SLC43A2: variants seen among roughly 807,000 people sequenced by gnomAD.
The protein encoded by SLC43A2 is solute carrier family 43 member 2, also known as large neutral amino acids transporter small subunit 4.
A neutral mutation model predicts 63.2 loss-of-function variants in SLC43A2; 38 were observed. That is an observed-to-expected ratio of 0.60 (90% CI 0.46 to 0.79). The LOEUF is 0.79. SLC43A2 is among the 30% of genes least tolerant of loss of function. The pLI is 0.00. For missense variants in SLC43A2, 644 were observed against 756.2 expected (o/e 0.85, Z 1.74); for synonymous variants, 322 against 331.0 (o/e 0.97, Z 0.30).
At chr17:1,575,854 G>A (rs1390226406) in intron 13 of SLC43A2, 89 bp from the exon 14 acceptor site, 4 of 1,434,780 alleles carry the variant, frequency 2.8e-6, no homozygotes, top group Non-Finnish European at 3.7e-6. Context: ...GGAAAGGGGA[G>A]AAGGTCACGG....
At chr17:1,582,647 G>A (rs777038800) in intron 11 of SLC43A2, among the ~76,000 whole-genome samples, 39 of 152,178 alleles carry the variant, frequency 2.6e-4, no homozygotes, top group Admixed American at 6.5e-4. Context: ...CATGCCTTCC[G>A]GGGAGGAGTC....
At chr17:1,584,227 G>T (rs576767654) in intron 10 of SLC43A2, among the ~76,000 whole-genome samples, 1 of 152,062 alleles carries the variant, frequency 6.6e-6, no homozygotes, top group Admixed American at 6.5e-5. Flanking sequence ...GTGAATGAAC[G>T]ATTACCGATC....
chr17:1,580,529 TTTTTG>T (rs1202472994), intron 11 of SLC43A2, among the ~76,000 whole-genome samples: 1 of 152,164 alleles, frequency 6.6e-6, no homozygotes, highest in African/African-American at 2.4e-5. Context: ...GTTTCTTCGC[TTTTTG>T]TTTTGTTTTC....
At chr17:1,627,655 C>CCCCCCCCCCCCAAAA in intron 2 of SLC43A2, 60 bp downstream of exon 2, 2 of 665,286 alleles carry the variant, frequency 3.0e-6, no homozygotes, top group Non-Finnish European at 4.5e-6. Context: ...CGCCCCCATC[C>CCCCCCCCCCCCAAAA]CGCCCCCTCC....
At chr17:1,585,511 G>A (rs543900185) in intron 10 of SLC43A2, 14 of 434,276 alleles carry the variant, frequency 3.2e-5, no homozygotes, top group Non-Finnish European at 5.2e-5. Context: ...CTTCCAAAGT[G>A]TTGGTATTAT....
intron 3 of SLC43A2, 62 bp downstream of exon 3, chr17:1,616,500 G>T: frequency 1.3e-6 from 2 of 1,486,254 alleles, no homozygotes; most frequent in Non-Finnish European, 1.8e-6. Flanking sequence ...ACCCTTCTGT[G>T]GGGAACTCAG....
At chr17:1,580,074 A>C (rs756342087) in intron 11 of SLC43A2, among the ~76,000 whole-genome samples, 4 of 151,910 alleles carry the variant, frequency 2.6e-5, no homozygotes, top group Admixed American at 6.6e-5. Context: ...TTACAGGTGC[A>C]TGCCACCAAG....
chr17:1,585,159 T>G (rs1254536622), intron 10 of SLC43A2: 1 of 988,612 alleles, frequency 1.0e-6, no homozygotes, highest in Non-Finnish European at 1.2e-6. Flanking sequence ...GAGGGTGGTC[T>G]TAGGAGCAAA....
At chr17:1,592,431 C>T (rs1011758846) in intron 6 of SLC43A2, among the ~76,000 whole-genome samples, 4 of 151,950 alleles carry the variant, frequency 2.6e-5, no homozygotes, top group Non-Finnish European at 4.4e-5. Context: ...TGTTCCCCCC[C>T]AAAAAAAGGA....
rs779995173 is a variant in SLC43A2, at chr17:1,591,727, G to GGC, written c.595-29_595-28insGC. On this transcript the variant is annotated intron_variant, in intron 6 of 13. Coordinates refer to ENST00000301335, the MANE Select transcript of SLC43A2 (RefSeq NM_152346.3). ...GACAGGCACCGCGGGGACGGGGTGG[G>GGC]GGGGGGAGGGGGCAGAGTTAGCCCG... The GGC allele has an allele frequency of 2.5e-5, 24 of 968,316 alleles. 2 individuals carry two copies. Among genetic ancestry groups the GGC allele is most frequent in the African/African-American group, 3.7e-5 (2 of 53,362 alleles). The allele number at this position is 968,316 out of a possible 1,614,324, so 60.0% of individuals were successfully genotyped here. A position where few individuals can be genotyped will look rare whatever the true frequency, so the allele number is the denominator to read the frequency against.
chr17:1,586,801 G>A, intron 9 of SLC43A2: 1 of 741,860 alleles, frequency 1.3e-6, no homozygotes, highest in Non-Finnish European at 2.0e-6. Context: ...AAGCAGACGA[G>A]GAATGTTGAT....
chr17:1,583,377 G>A lies in SLC43A2; in HGVS notation c.1218-41C>T, dbSNP rs113605188. ...ACGTGCAGGGGTGGGAGGGCTCCCC[G>A]GAGGAAGCCGGGTGCTCCTGAGAAG... On this transcript the variant is annotated intron_variant, in intron 10 of 13. Transcript: ENST00000301335. This position sits in a 1 kb window ranked among gnomAD's most constrained non-coding sequence, Gnocchi z 5.5. The A allele has an allele frequency of 1.2e-3, 1,846 of 1,605,194 alleles. 21 individuals are homozygous for A. In the African/African-American group the frequency reaches 0.021, roughly 18 times the overall value.
At chr17:1,576,772 GC>G (rs2075939667) in intron 12 of SLC43A2, 52 bp from the exon 13 acceptor site, 1 of 1,589,926 alleles carries the variant, frequency 6.3e-7, no homozygotes, top group Admixed American at 1.8e-5. Context: ...GCTTTGCTTG[GC>G]CCCAGGTGTC....
At position 1,616,564 on chromosome 17, in the gene SLC43A2, G is replaced by A. The variant is rs1907683214; in HGVS notation, c.366C>T (p.Gly122=). The A allele has an allele frequency of 6.2e-7, 1 of 1,609,372 alleles. No individual in the cohort carries two copies. Among genetic ancestry groups the A allele is most frequent in the Non-Finnish European group, 8.5e-7 (1 of 1,177,884 alleles). Residue 122 remains glycine, a splice_region_variant and synonymous_variant, in exon 3 of 14, where the codon GGC becomes GGT. Coordinates refer to ENST00000301335, the MANE Select transcript of SLC43A2 (RefSeq NM_152346.3). ...KYGPRKLRLL[G]SACFAVSCLL... ...CCCCCTAAGGGACCCACACTGACCTGCCCAGCAGCCTGAGCTTCCTCGGGC... is the reference window on the plus strand; with the variant it reads ...CCCCCTAAGGGACCCACACTGACCTACCCAGCAGCCTGAGCTTCCTCGGGC...
At chr17:1,597,468 G>A (rs1905414415) in intron 5 of SLC43A2, among the ~76,000 whole-genome samples, 1 of 143,834 alleles carries the variant, frequency 7.0e-6, no homozygotes, top group South Asian at 2.2e-4. Flanking sequence ...TTGTGCCACT[G>A]CACTCCAGCC....
chr17:1,607,015 C>A (rs1162661332), intron 5 of SLC43A2, among the ~76,000 whole-genome samples: 1 of 152,178 alleles, frequency 6.6e-6, no homozygotes, highest in East Asian at 1.9e-4. Flanking sequence ...CGCTTGGAGC[C>A]CCCTCTCCTA....
intron 2 of SLC43A2, among the ~76,000 whole-genome samples, chr17:1,625,029 G>A (rs17821354): frequency 0.17 from 25,267 of 152,186 alleles, 2,776 homozygotes; most frequent in East Asian, 0.4. Flanking sequence ...CCATCCCAGA[G>A]GCCAAGAGGA....
intron 6 of SLC43A2, among the ~76,000 whole-genome samples, chr17:1,592,272 C>T (rs1346007278): frequency 2.6e-5 from 4 of 152,162 alleles, no homozygotes; most frequent in African/African-American, 4.8e-5. Flanking sequence ...ACTAAAAATA[C>T]AAAAATTAGC....
At chr17:1,600,726 T>G (rs1905916056) in intron 5 of SLC43A2, among the ~76,000 whole-genome samples, 1 of 151,402 alleles carries the variant, frequency 6.6e-6, no homozygotes, top group Non-Finnish European at 1.5e-5. Flanking sequence ...TCCAGGTAAT[T>G]TTTGTATTTT....
Sources: gnomAD v4.1 joint callset for allele counts (sites outside exome capture counted in the v4.1 genomes callset) on GRCh38, gnomAD v4.1.1 for gene constraint, Gnocchi (gnomAD v3.1) non-coding constraint, MANE v1.5 for transcripts, NCBI Gene and HGNC (gene_info 2026-07-23, HGNC 2026-07-21) for gene names.